Variants in TRHDE observed in about 807,000 individuals in gnomAD.
TRHDE encodes the protein thyrotropin-releasing hormone-degrading ectoenzyme.
A neutral mutation model predicts 125.7 loss-of-function variants in TRHDE; 72 were observed. The ratio of observed to expected loss-of-function variants is 0.57; its 90% confidence interval spans 0.47 to 0.70. The LOEUF is 0.70. TRHDE is among the 30% of genes least tolerant of loss of function. The pLI, the probability that TRHDE is intolerant of heterozygous loss-of-function variation, is 0.00. For missense variants in TRHDE, 1,110 were observed against 1,327.1 expected (o/e 0.84, Z 2.54); for synonymous variants, 509 against 509.1 (o/e 1.00, Z 0.00).
At chr12:72,330,293 C>A (rs1257685334) in intron 2 of TRHDE, among the ~76,000 whole-genome samples, 1 of 151,444 alleles carries the variant, frequency 6.6e-6, no homozygotes, top group Non-Finnish European at 1.5e-5. Context: ...CCCTACCCCC[C>A]ACCTCCCAAT....
In TRHDE at chr12:72,529,245, T is replaced by C. The variant is rs538080009; in HGVS notation, c.1723-13046T>C. 3.3e-5 allele frequency among the ~76,000 whole-genome samples: 5 copies of C among 152,238 alleles called. No homozygotes were observed. The South Asian group carries it at 6.2e-4, about 19-fold the overall frequency. ...TTAGCAATTTTCCCAGAGACTCCTG[T>C]TGGTTATTTTTAAATAAAAATCTCA... On this transcript the variant is annotated intron_variant, in intron 6 of 18. Coordinates refer to ENST00000261180, the MANE Select transcript of TRHDE (RefSeq NM_013381.3).
intron 17 of TRHDE, among the ~76,000 whole-genome samples, chr12:72,654,030 T>C (rs1210444126): frequency 6.6e-6 from 1 of 152,158 alleles, no homozygotes; most frequent in African/African-American, 2.4e-5. Context: ...ATAAGACACA[T>C]TGACTTTTTT....
chr12:72,620,338 CAAAA>C (rs3080963), intron 13 of TRHDE, among the ~76,000 whole-genome samples: 5,892 of 67,544 alleles, frequency 0.087, 301 homozygotes, highest in African/African-American at 0.23. Context: ...CCCATCTCTA[CAAAA>C]AAAAAAAAAA....
intron 10 of TRHDE, among the ~76,000 whole-genome samples, chr12:72,569,027 A>G (rs1272913136): frequency 2.0e-5 from 3 of 152,078 alleles, no homozygotes; most frequent in African/African-American, 4.8e-5. Flanking sequence ...ACACTTTCCT[A>G]TCTTCTCTTT....
chr12:72,621,351 G>A, intron 14 of TRHDE, 146 bp downstream of exon 14: 1 of 624,408 alleles, frequency 1.6e-6, no homozygotes, highest in African/African-American at 1.9e-5. Context: ...ACTGCTGCTG[G>A]GTAGCACAGT....
Position 72,208,781 on chromosome 12 carries a change from T to C in TRHDE, n.279+103029T>C, listed in dbSNP as rs1352572380. Among the ~76,000 whole-genome samples, 3 of 152,226 alleles carry C rather than the reference T, an allele frequency of 2.0e-5. No individual in the cohort carries two copies. The East Asian group carries it at 5.8e-4, about 29-fold the overall frequency. ...CATGAAAACTATCAATCCTAGATTC[T>C]ATATCCATGCCTTAATCAGGAGGTG... On this transcript the variant is annotated intron_variant and non_coding_transcript_variant, in intron 2 of 4. Coordinates refer to the TRHDE transcript ENST00000548156.
intron 6 of TRHDE, among the ~76,000 whole-genome samples, chr12:72,511,380 G>C (rs1312709287): frequency 6.6e-6 from 1 of 152,056 alleles, no homozygotes; most frequent in Non-Finnish European, 1.5e-5. Flanking sequence ...TAGGTAAACA[G>C]AAAAAATTTA....
chr12:72,340,624 G>A (rs769667355), intron 2 of TRHDE, among the ~76,000 whole-genome samples: 4 of 151,956 alleles, frequency 2.6e-5, no homozygotes, highest in Non-Finnish European at 5.9e-5. Flanking sequence ...TGCCGTGGGT[G>A]GCTTACAGTC....
At chr12:72,526,202 A>T (rs1868335203) in intron 6 of TRHDE, among the ~76,000 whole-genome samples, 1 of 152,148 alleles carries the variant, frequency 6.6e-6, no homozygotes, top group African/African-American at 2.4e-5. Flanking sequence ...TGTTTGCTGC[A>T]TGATAGTTTA....
rs541431084 is a variant in TRHDE at position 72,477,215 on chromosome 12, A to G, written c.1584+4035A>G. ...GTAAGTAGGCATCATGGGCCTGGGA[A>G]AATGAAAGCTCTATTAGAAAAGTAC... On this transcript the variant is annotated intron_variant, in intron 5 of 18. Transcript: ENST00000261180. 3.8e-4 allele frequency among the ~76,000 whole-genome samples: 58 copies of G among 152,310 alleles called. 1 individual carries two copies. Among genetic ancestry groups the G allele is most frequent in the Admixed American group, 1.6e-3 (24 of 15,306 alleles).
chr12:72,245,852 A>G (rs1878566270), intron 2 of TRHDE, among the ~76,000 whole-genome samples: 1 of 152,140 alleles, frequency 6.6e-6, no homozygotes, highest in Non-Finnish European at 1.5e-5. Flanking sequence ...TTTTCAATAT[A>G]CTTAAGTTCA....
intron 2 of TRHDE, among the ~76,000 whole-genome samples, chr12:72,353,855 C>T (rs1870693558): frequency 6.6e-6 from 1 of 151,382 alleles, no homozygotes; most frequent in Non-Finnish European, 1.5e-5. Context: ...ATGGTGTGGC[C>T]ATTTCAGAGA....
At chr12:72,237,614 A>G (rs1214838869) in intron 2 of TRHDE, among the ~76,000 whole-genome samples, 1 of 152,152 alleles carries the variant, frequency 6.6e-6, no homozygotes, top group Non-Finnish European at 1.5e-5. Context: ...CTGATGGTTT[A>G]AAAATGACAG....
At chr12:72,249,180 A>G (rs1202562971) in intron 2 of TRHDE, among the ~76,000 whole-genome samples, 3 of 151,860 alleles carry the variant, frequency 2.0e-5, no homozygotes, top group Non-Finnish European at 4.4e-5. Context: ...AGCAAAACTT[A>G]AAAAAAATGA....
intron 2 of TRHDE, among the ~76,000 whole-genome samples, chr12:72,131,019 G>A (rs150349354): frequency 6.7e-6 from 1 of 150,240 alleles, no homozygotes; most frequent in African/African-American, 2.5e-5. Context: ...AGTGCCTTAC[G>A]ATGTCTGTTT....
chr12:72,658,485 C>T (rs1350779151), intron 18 of TRHDE, among the ~76,000 whole-genome samples: 1 of 151,952 alleles, frequency 6.6e-6, no homozygotes, highest in Non-Finnish European at 1.5e-5. Flanking sequence ...TCCTCCCTAC[C>T]TCTCTCTTAT....
intron 15 of TRHDE, among the ~76,000 whole-genome samples, chr12:72,648,376 A>G (rs1439113761): frequency 6.6e-6 from 1 of 152,152 alleles, no homozygotes; most frequent in Non-Finnish European, 1.5e-5. Context: ...TGTATTAAAC[A>G]TAGTACTGGA....
intron 12 of TRHDE, among the ~76,000 whole-genome samples, chr12:72,593,727 C>T (rs963584916): frequency 6.6e-6 from 1 of 152,074 alleles, no homozygotes; most frequent in Non-Finnish European, 1.5e-5. Flanking sequence ...CATGTGTTCT[C>T]ATTGTTCAAT....
rs568032792 is a variant in TRHDE at position 72,503,178 on chromosome 12, T to C, written c.1722+3543T>C. On this transcript the variant is annotated intron_variant, in intron 6 of 18. Coordinates refer to ENST00000261180, the MANE Select transcript of TRHDE (RefSeq NM_013381.3). ...CATTTATTACATGGATACTCTGTAC[T>C]AGTCACCGAACTAAGATTTTTACAT... 7.9e-5 allele frequency among the ~76,000 whole-genome samples: 12 copies of C among 152,292 alleles called. No individual in the cohort carries two copies. The South Asian group carries it at 2.5e-3, about 32-fold the overall frequency.
Sources: allele counts gnomAD v4.1 joint callset (sites outside exome capture counted in the v4.1 genomes callset), GRCh38; gene constraint gnomAD v4.1.1; transcripts MANE v1.5; gene names NCBI Gene and HGNC (gene_info 2026-07-23, HGNC 2026-07-21).